Variants in IL17RD observed in about 807,000 individuals in gnomAD.
IL17RD encodes the protein interleukin 17 receptor D.
A neutral mutation model predicts 80.5 loss-of-function variants in IL17RD; 52 were observed. The observed-to-expected ratio is 0.65, with a 90% CI of 0.52 to 0.81. The LOEUF (loss-of-function observed/expected upper bound fraction) is 0.81, where lower values mean the gene tolerates loss of function less well. Among genes scored for constraint, IL17RD ranks in the 40% least tolerant of loss-of-function variants. IL17RD has a pLI of 0.00. For synonymous variants in IL17RD, 416 were observed against 391.8 expected (o/e 1.06, Z -0.73); for missense variants, 1,024 against 955.1 (o/e 1.07, Z -0.95).
chr3:57,122,827 GA>G, intron 1 of IL17RD, among the ~76,000 whole-genome samples: 1 of 150,286 alleles, frequency 6.7e-6, no homozygotes, highest in African/African-American at 2.4e-5. Flanking sequence ...CCGGGTACAG[GA>G]GGGACTTCGC....
intron 5 of IL17RD, 92 bp from the exon 6 acceptor site, chr3:57,106,246 C>A: frequency 1.1e-6 from 1 of 888,040 alleles, no homozygotes; most frequent in Non-Finnish European, 1.8e-6. Context: ...AGATACTGTG[C>A]CGGGTGATGC....
At chr3:57,157,572 G>A (rs2060276498) in intron 1 of IL17RD, among the ~76,000 whole-genome samples, 1 of 152,222 alleles carries the variant, frequency 6.6e-6, no homozygotes, top group African/African-American at 2.4e-5. Flanking sequence ...TGCCTGTGCT[G>A]CACCCAGAGC....
At chr3:57,166,489 A>G (rs1191913497), upstream of IL17RD, among the ~76,000 whole-genome samples, 1 of 151,962 alleles carries the variant, frequency 6.6e-6, no homozygotes, top group Non-Finnish European at 1.5e-5. Flanking sequence ...GTGACACAGT[A>G]AGACCCTGTC....
rs1559477234 is a variant in IL17RD, at chr3:57,127,359, AATATAAATATAT to A, written c.127-7058_127-7047del. On this transcript the variant is annotated intron_variant, in intron 1 of 12. Coordinates refer to ENST00000296318, the MANE Select transcript of IL17RD (RefSeq NM_017563.5). ...ATAAAAATATATATAAATATATATA[AATATAAATATAT>A]ATATATAAATAAATAAATAAATAAA... 2.9e-3 allele frequency among the ~76,000 whole-genome samples: 214 copies of A among 74,006 alleles called. 14 individuals are homozygous for A. The highest frequency in any genetic ancestry group is 0.014 in the African/African-American group (198 of 14,302). The allele number at this position is 74,006 out of a possible 152,430, so 48.6% of individuals were successfully genotyped here.
intron 1 of IL17RD, among the ~76,000 whole-genome samples, chr3:57,148,444 T>C (rs188647874): frequency 6.6e-6 from 1 of 152,302 alleles, no homozygotes; most frequent in Admixed American, 6.5e-5. Flanking sequence ...AAACCTCCAG[T>C]TATAAGACCA....
Position 57,097,740 on chromosome 3 carries a change from G to C in IL17RD, c.1963C>G (p.Pro655Ala). Residue 655 changes from proline to alanine, a missense_variant, in exon 12 of 13, where the codon CCC (proline) becomes GCC (alanine). By Grantham distance (27) the Pro-to-Ala change is conservative. Coordinates refer to ENST00000296318, the MANE Select transcript of IL17RD (RefSeq NM_017563.5). The stretch of plus-strand genomic sequence containing the variant: ...CCTGAGTCCCGCGGCATGTCCGAGG[G>C]GCTGCCGGCTTTCACCGTGTGCAGC... ...PLLHTVKAGSPSDMPRDSGIY... is the reference protein window; with the variant it reads ...PLLHTVKAGSASDMPRDSGIY... The C allele has an allele frequency of 6.2e-7, 1 of 1,602,524 alleles. No homozygotes were observed.
At position 57,110,200 on chromosome 3, in the gene IL17RD, T is replaced by G. The variant is rs1461276639; in HGVS notation, c.422A>C (p.Lys141Thr). Reference sequence around the variant, plus strand: ...TTCCCCAGTGTGACTTACAGTTCTTTTGAAGCTACTGTTGAGCTGCTTCGG... The same window carrying G: ...TTCCCCAGTGTGACTTACAGTTCTTGTGAAGCTACTGTTGAGCTGCTTCGG... ...KDPKQLNSSF[K>T]RTGMESQPFL... The change falls in exon 4 of 13, where the codon AAA becomes ACA. Residue 141 changes from lysine to threonine, a missense_variant. Transcript: ENST00000296318. 1 of 1,594,204 alleles carries G rather than the reference T, an allele frequency of 6.3e-7. No individual in the cohort carries two copies. Among genetic ancestry groups the G allele is most frequent in the African/African-American group, 1.3e-5 (1 of 74,758 alleles).
At chr3:57,108,516 T>TTTTC (rs1707017408) in intron 5 of IL17RD, among the ~76,000 whole-genome samples, 1 of 135,376 alleles carries the variant, frequency 7.4e-6, no homozygotes, top group Non-Finnish European at 1.6e-5. Flanking sequence ...TGGCTTTTTT[T>TTTTC]TTTTTTTTTT....
chr3:57,103,376 T>C (rs908802261), intron 8 of IL17RD, among the ~76,000 whole-genome samples: 2 of 152,216 alleles, frequency 1.3e-5, no homozygotes, highest in Non-Finnish European at 1.5e-5. Context: ...TCATCATGTT[T>C]TCTTTTATTA....
At chr3:57,159,863 C>CAG (rs150334537) in intron 1 of IL17RD, among the ~76,000 whole-genome samples, 3,145 of 152,290 alleles carry the variant, frequency 0.021, 111 homozygotes, top group African/African-American at 0.073. Context: ...ACCCATCCAT[C>CAG]AGAAGCAGGC....
intron 1 of IL17RD, among the ~76,000 whole-genome samples, chr3:57,131,737 G>A (rs1022188886): frequency 2.6e-5 from 4 of 152,208 alleles, no homozygotes; most frequent in South Asian, 2.1e-4. Context: ...GTGCATGTGT[G>A]CACACACATT....
chr3:57,162,503 C>T (rs1166654071), intron 1 of IL17RD, among the ~76,000 whole-genome samples: 1 of 152,110 alleles, frequency 6.6e-6, no homozygotes, highest in African/African-American at 2.4e-5. Flanking sequence ...CCAGTACTTC[C>T]TAGCTGACTC....
chr3:57,140,981 A>G (rs936145997), intron 1 of IL17RD, among the ~76,000 whole-genome samples: 5 of 151,682 alleles, frequency 3.3e-5, no homozygotes, highest in African/African-American at 9.7e-5. Flanking sequence ...GCAGCCTCCA[A>G]CTCCTGGGCT....
rs542601844 is a variant in IL17RD at position 57,105,975 on chromosome 3, T to C, written c.629A>G (p.His210Arg). The change falls in exon 7 of 13, where the codon CAT (histidine) becomes CGT (arginine). Residue 210 changes from histidine to arginine, a missense_variant. Physicochemically the swap from His to Arg is conservative, Grantham distance 29. Transcript: ENST00000296318. The part of the protein sequence containing the change: ...WKPRNLNISQ[H>R]GSDMQVSFDH... ...GAAGGACACCTGCATGTCCGAGCCA[T>C]GCTGGCTGATGTTCAGGTTCCGAGG... 1.3e-4 allele frequency: 215 copies of C among 1,613,968 alleles called. 5 individuals carry two copies. The South Asian group carries it at 2.3e-3, about 17-fold the overall frequency.
chr3:57,124,182 T>A (rs1707399173), intron 1 of IL17RD, among the ~76,000 whole-genome samples: 1 of 152,176 alleles, frequency 6.6e-6, no homozygotes, highest in Non-Finnish European at 1.5e-5. Context: ...TCTAGAGCCC[T>A]CAGAAACCAC....
intron 1 of IL17RD, among the ~76,000 whole-genome samples, chr3:57,135,617 A>G (rs1707708562): frequency 6.6e-6 from 1 of 152,126 alleles, no homozygotes; most frequent in Non-Finnish European, 1.5e-5. Flanking sequence ...TTAGATCCTA[A>G]TATATATAAC....
intron 1 of IL17RD, among the ~76,000 whole-genome samples, chr3:57,163,483 TA>T (rs1273056144): frequency 6.6e-6 from 1 of 151,984 alleles, no homozygotes; most frequent in East Asian, 1.9e-4. Flanking sequence ...TACAGTGGCA[TA>T]AGAAGCCACC....
At chr3:57,134,313 C>T (rs6788981) in intron 1 of IL17RD, 146,478 of 683,486 alleles carry the variant, frequency 0.21, 19,330 homozygotes, top group African/African-American at 0.42. Flanking sequence ...TTTCCATTCC[C>T]GGGCTTGATG....
At chr3:57,136,129 T>A (rs1353758545) in intron 1 of IL17RD, among the ~76,000 whole-genome samples, 2 of 152,168 alleles carry the variant, frequency 1.3e-5, no homozygotes, top group Non-Finnish European at 2.9e-5. Flanking sequence ...TAACAATGTC[T>A]TCCTCTCTCC....
Sources: gnomAD v4.1 joint callset for allele counts (sites outside exome capture counted in the v4.1 genomes callset) on GRCh38, gnomAD v4.1.1 for gene constraint, MANE v1.5 for transcripts, NCBI Gene and HGNC (gene_info 2026-07-23, HGNC 2026-07-21) for gene names.